The following EXOC6B variants were observed in gnomAD, a reference collection of about 807,000 sequenced individuals.
The protein encoded by EXOC6B is SEC15 homolog B.
A neutral mutation model predicts 113.5 loss-of-function variants in EXOC6B; 54 were observed. The ratio of observed to expected loss-of-function variants is 0.48; its 90% CI spans 0.38 to 0.60. EXOC6B has a LOEUF of 0.60. EXOC6B is among the 20% of genes least tolerant of loss of function. EXOC6B has a pLI of 0.00. For missense variants in EXOC6B, 797 were observed against 977.5 expected (o/e 0.82, Z 2.46); for synonymous variants, 357 against 339.0 (o/e 1.05, Z -0.58).
intron 1 of EXOC6B, among the ~76,000 whole-genome samples, chr2:72,757,748 G>A (rs1682508633): frequency 1.3e-5 from 2 of 152,014 alleles, no homozygotes; most frequent in African/African-American, 4.8e-5. Context: ...CTCCTTCTCA[G>A]GATCGATCCC....
intron 18 of EXOC6B, among the ~76,000 whole-genome samples, chr2:72,393,694 T>A (rs1020546462): frequency 6.6e-6 from 1 of 152,300 alleles, no homozygotes; most frequent in Middle Eastern, 3.4e-3. Context: ...TCTTCTAAGC[T>A]TTAGTCTTGA....
In EXOC6B at chr2:72,482,268, T is replaced by A. The variant is rs1449256067; in HGVS notation, c.1666-1518A>T. Among the ~76,000 whole-genome samples the A allele has an allele frequency of 2.0e-5, 3 of 152,236 alleles. No individual in the cohort carries two copies. The East Asian group carries it at 5.8e-4, about 29-fold the overall frequency. On this transcript the variant is annotated intron_variant, in intron 16 of 21. Coordinates refer to ENST00000272427, the MANE Select transcript of EXOC6B (RefSeq NM_015189.3). ...AGGAAAAAAAGTGGTATCTATTACT[T>A]ATTTCTTAACTATTAAACCATAAAA...
In EXOC6B at chr2:72,571,958, T is replaced by C. The variant is rs368924273; in HGVS notation, c.846+3534A>G. On this transcript the variant is annotated intron_variant, in intron 7 of 21. Coordinates refer to ENST00000272427, the MANE Select transcript of EXOC6B (RefSeq NM_015189.3). The stretch of plus-strand genomic sequence containing the variant: ...AAAAAATGTATTAAGTATATTTGCA[T>C]TGAAAGCACAGGAAAGGGTAAAAAG... Among the ~76,000 whole-genome samples, 28 of 152,260 alleles carry C rather than the reference T, an allele frequency of 1.8e-4. 2 individuals carry two copies. Among genetic ancestry groups the C allele is most frequent in the African/African-American group, 5.8e-4 (24 of 41,560 alleles).
At chr2:72,628,356 TG>T (rs1180400564) in intron 6 of EXOC6B, among the ~76,000 whole-genome samples, 6 of 152,238 alleles carry the variant, frequency 3.9e-5, no homozygotes, top group Admixed American at 2.6e-4. Flanking sequence ...CTCGAACTCC[TG>T]GGCTCAAGTG....
At chr2:72,662,091 C>CGGGGGAGGGAAGGAGAGAAG (rs1675061241) in intron 6 of EXOC6B, among the ~76,000 whole-genome samples, 2 of 85,996 alleles carry the variant, frequency 2.3e-5, no homozygotes, top group Admixed American at 3.9e-4. Flanking sequence ...GGGGGAGGGA[C>CGGGGGAGGGAAGGAGAGAAG]GGGGGAGGGA....
chr2:72,793,069 ATAATT>A (rs1246838953), intron 1 of EXOC6B, among the ~76,000 whole-genome samples: 1 of 152,202 alleles, frequency 6.6e-6, no homozygotes, highest in Non-Finnish European at 1.5e-5. Context: ...TGAACATACT[ATAATT>A]TATTTATCAA....
chr2:72,494,569 G>GC (rs1410182180), intron 15 of EXOC6B, among the ~76,000 whole-genome samples: 1 of 151,934 alleles, frequency 6.6e-6, no homozygotes, highest in African/African-American at 2.4e-5. Context: ...GGCATACCAT[G>GC]CTTTCCATTC....
At chr2:72,207,439 G>GTT (rs1679903678) in intron 20 of EXOC6B, among the ~76,000 whole-genome samples, 1 of 152,162 alleles carries the variant, frequency 6.6e-6, no homozygotes, top group Non-Finnish European at 1.5e-5. Flanking sequence ...ATATAATGCA[G>GTT]ATAATAGTAC....
chr2:72,586,462 C>T (rs191121437), intron 6 of EXOC6B, among the ~76,000 whole-genome samples: 60 of 152,048 alleles, frequency 3.9e-4, no homozygotes, highest in African/African-American at 1.3e-3. Context: ...AAAGACACAC[C>T]GCAAACTTGG....
At chr2:72,784,609 G>T (rs781028251) in intron 1 of EXOC6B, among the ~76,000 whole-genome samples, 1 of 152,022 alleles carries the variant, frequency 6.6e-6, no homozygotes, top group African/African-American at 2.4e-5. Context: ...AAGCAAAAGC[G>T]GAAACCCCTG....
chr2:72,713,354 G>A (rs1679390138), intron 6 of EXOC6B, among the ~76,000 whole-genome samples: 1 of 152,102 alleles, frequency 6.6e-6, no homozygotes, highest in South Asian at 2.1e-4. Context: ...TTCTAAAGAA[G>A]CATACTTAGA....
At chr2:72,367,394 G>T (rs1233449772) in intron 19 of EXOC6B, among the ~76,000 whole-genome samples, 1 of 151,932 alleles carries the variant, frequency 6.6e-6, no homozygotes, top group Non-Finnish European at 1.5e-5. Flanking sequence ...AATATAAAAT[G>T]AATAGCAAGA....
chr2:72,513,180 C>T lies in EXOC6B; in HGVS notation c.1119G>A (p.Leu373=), dbSNP rs1701037271. Residue 373 remains leucine, a synonymous_variant, in exon 11 of 22, where the codon CTG becomes CTA. Transcript: ENST00000272427. ...TGGTTTTTGAAAGTGCCATTTCCCA[C>T]AGTTCATCAATGTAGGCTCTATTTA... ...GLVNRAYIDE[L]WEMALSKTIA... The T allele has an allele frequency of 6.2e-7, 1 of 1,613,294 alleles. No homozygotes were observed. Among genetic ancestry groups the T allele is most frequent in the African/African-American group, 1.3e-5 (1 of 74,878 alleles).
At chr2:72,797,924 C>T (rs1685064813) in intron 1 of EXOC6B, among the ~76,000 whole-genome samples, 1 of 152,048 alleles carries the variant, frequency 6.6e-6, no homozygotes, top group South Asian at 2.1e-4. Flanking sequence ...AGGGATGATG[C>T]AACAAATTTC....
In EXOC6B at chr2:72,671,783, G is replaced by GAAAGAAAGAAAGAA. The variant is rs1553464033; in HGVS notation, c.669+46306_669+46319dup. On this transcript the variant is annotated intron_variant, in intron 6 of 21. Transcript: ENST00000272427. ...AGAAAGAAAGAAAGAAAGAAAGAAA[G>GAAAGAAAGAAAGAA]AAAGAAAGAAAGAAAGAAAGAAAGA... Among the ~76,000 whole-genome samples the GAAAGAAAGAAAGAA allele has an allele frequency of 1.7e-3, 177 of 106,162 alleles. 2 individuals are homozygous for GAAAGAAAGAAAGAA. Among genetic ancestry groups the GAAAGAAAGAAAGAA allele is most frequent in the African/African-American group, 7.3e-3 (158 of 21,666 alleles). 69.6% of individuals were successfully genotyped at this position (106,162 alleles called of 152,430 possible).
chr2:72,824,928 A>G (rs187268816), intron 1 of EXOC6B, among the ~76,000 whole-genome samples: 1 of 152,298 alleles, frequency 6.6e-6, no homozygotes, highest in East Asian at 1.9e-4. Context: ...TTTCTCTGTG[A>G]CCTTGGGCAA....
At chr2:72,355,011 A>G (rs1363188338) in intron 19 of EXOC6B, among the ~76,000 whole-genome samples, 1 of 152,250 alleles carries the variant, frequency 6.6e-6, no homozygotes. Flanking sequence ...AAATTCCCAA[A>G]GAAGCTTTTA....
chr2:72,311,213 G>C (rs1244021318), intron 20 of EXOC6B, among the ~76,000 whole-genome samples: 1 of 152,138 alleles, frequency 6.6e-6, no homozygotes, highest in Non-Finnish European at 1.5e-5. Flanking sequence ...AGTATAATAC[G>C]GATGTTACTG....
intron 1 of EXOC6B, among the ~76,000 whole-genome samples, chr2:72,810,321 C>T (rs749945106): frequency 1.2e-4 from 17 of 146,980 alleles, no homozygotes; most frequent in Middle Eastern, 6.9e-3. Context: ...AGTGAGAAAG[C>T]GAGACCTTGT....
Sources: allele counts gnomAD v4.1 joint callset (sites outside exome capture counted in the v4.1 genomes callset), GRCh38; gene constraint gnomAD v4.1.1; transcripts MANE v1.5; gene names NCBI Gene and HGNC (gene_info 2026-07-23, HGNC 2026-07-21).